Variants in KCNAB2 observed in about 807,000 individuals in gnomAD.
The protein encoded by KCNAB2 is voltage-gated potassium channel subunit beta-2.
A neutral mutation model predicts 63.6 loss-of-function variants in KCNAB2; 29 were observed. That is an observed-to-expected ratio of 0.46 (90% CI 0.34 to 0.62). The LOEUF is 0.62. Among genes scored for constraint, KCNAB2 ranks in the 20% least tolerant of loss-of-function variants. The pLI, the probability that KCNAB2 is intolerant of heterozygous loss-of-function variation, is 0.01. For synonymous variants in KCNAB2, 222 were observed against 224.2 expected (o/e 0.99, Z 0.09); for missense variants, 359 against 563.9 (o/e 0.64, Z 3.68).
chr1:6,052,052 A>G (rs1031771329), intron 2 of KCNAB2, among the ~76,000 whole-genome samples: 1 of 152,138 alleles, frequency 6.6e-6, no homozygotes, highest in Non-Finnish European at 1.5e-5. Flanking sequence ...CAGTGATCCA[A>G]GATCATACCA....
chr1:6,006,956 G>A (rs1657831936), intron 1 of KCNAB2, among the ~76,000 whole-genome samples: 1 of 152,124 alleles, frequency 6.6e-6, no homozygotes, highest in African/African-American at 2.4e-5. Flanking sequence ...TCTGGGGAAG[G>A]ACGGTAAACA....
chr1:6,036,685 G>A (rs1201668776), intron 1 of KCNAB2, among the ~76,000 whole-genome samples: 1 of 152,120 alleles, frequency 6.6e-6, no homozygotes, highest in Non-Finnish European at 1.5e-5. Flanking sequence ...TCACTGGGTA[G>A]CCACAGGAGG....
chr1:6,041,903 G>A (rs1176366062), upstream of KCNAB2: 2 of 1,609,386 alleles, frequency 1.2e-6, no homozygotes, highest in Admixed American at 3.3e-5. Context: ...CTAAAACCCA[G>A]CGAGCCGAAG....
chr1:6,047,239 C>T (rs1661001835), intron 1 of KCNAB2, among the ~76,000 whole-genome samples: 1 of 152,172 alleles, frequency 6.6e-6, no homozygotes, highest in Admixed American at 6.5e-5. Flanking sequence ...GAGGCAGGAG[C>T]CCGGCAGTGG....
chr1:6,025,813 G>A (rs1472925610), intron 1 of KCNAB2, among the ~76,000 whole-genome samples: 5 of 152,116 alleles, frequency 3.3e-5, no homozygotes, highest in Admixed American at 2.6e-4. Flanking sequence ...ATGAGGGAGC[G>A]CAGGTAAAAG....
intron 1 of KCNAB2, among the ~76,000 whole-genome samples, chr1:6,037,872 C>CT (rs1210270485): frequency 0.11 from 13,277 of 117,614 alleles, 1,183 homozygotes; most frequent in Non-Finnish European, 0.17. Context: ...GAATGAGGGT[C>CT]TTTTTTTTTT....
At chr1:6,011,486 CAGG>C (rs879367709) in intron 1 of KCNAB2, among the ~76,000 whole-genome samples, 3 of 151,636 alleles carry the variant, frequency 2.0e-5, no homozygotes, top group Admixed American at 6.6e-5. Flanking sequence ...GCCAGGTGTG[CAGG>C]AGGAGAGGCA....
intron 2 of KCNAB2, among the ~76,000 whole-genome samples, chr1:6,065,011 C>T (rs1557472736): frequency 6.6e-6 from 1 of 152,206 alleles, no homozygotes; most frequent in Non-Finnish European, 1.5e-5. Context: ...GCGTTTCCTT[C>T]CTTGGGCCAT....
intron 1 of KCNAB2, among the ~76,000 whole-genome samples, chr1:5,998,989 T>C (rs1049897757): frequency 2.0e-5 from 3 of 152,224 alleles, no homozygotes; most frequent in Non-Finnish European, 2.9e-5. Flanking sequence ...ACAGGGTGGC[T>C]CCGGGGCTGG....
At chr1:6,002,490 G>A (rs147504349) in intron 1 of KCNAB2, among the ~76,000 whole-genome samples, 1 of 152,358 alleles carries the variant, frequency 6.6e-6, no homozygotes, top group African/African-American at 2.4e-5. Context: ...GTGGCTGATG[G>A]CCACAGACTC....
intron 2 of KCNAB2, among the ~76,000 whole-genome samples, chr1:6,065,936 G>A (rs923263866): frequency 6.6e-6 from 1 of 152,218 alleles, no homozygotes; most frequent in African/African-American, 2.4e-5. Context: ...CTCAAGGAAT[G>A]CCTGCAGCTT....
chr1:6,046,106 A>C lies in KCNAB2; in HGVS notation c.-104A>C. On this transcript the variant is annotated 5_prime_UTR_variant, in exon 1 of 16. Coordinates refer to ENST00000378083, the MANE Select transcript of KCNAB2 (RefSeq NM_001199862.2). ...TCCCTAATGAAAAAGCCGCTGTGCC[A>C]GATCCTTAGAGTGTCTGGTGATCCC... 1 of 985,472 alleles carries C rather than the reference A, an allele frequency of 1.0e-6. No individual in the cohort carries two copies. The highest frequency in any genetic ancestry group is 1.2e-6 in the Non-Finnish European group (1 of 829,920). 61.0% of individuals were successfully genotyped at this position (985,472 alleles called of 1,614,324 possible).
intron 1 of KCNAB2, among the ~76,000 whole-genome samples, chr1:6,027,814 T>A (rs1659307600): frequency 1.3e-5 from 2 of 152,242 alleles, no homozygotes; most frequent in Admixed American, 1.3e-4. Flanking sequence ...ATGTGACATC[T>A]GTCGCCGTGC....
rs1039462609 is a variant in KCNAB2, at chr1:6,074,087, T to C, written c.300+317T>C. Among the ~76,000 whole-genome samples the C allele has an allele frequency of 6.6e-6, 1 of 152,142 alleles. No individual in the cohort carries two copies. The highest frequency in any genetic ancestry group is 1.5e-5 in the Non-Finnish European group (1 of 68,022). ...CCCATTCCACAGTTAACGAGGAGAA[T>C]TCAGGGTGCACACGCTTCCCAAATT... On this transcript the variant is annotated intron_variant, in intron 4 of 15. Coordinates refer to ENST00000378083, the MANE Select transcript of KCNAB2 (RefSeq NM_001199862.2). This position sits in a 1 kb window ranked among gnomAD's most constrained non-coding sequence, Gnocchi z 4.9.
Position 6,086,316 on chromosome 1 carries a change from C to T in KCNAB2, c.425+1068C>T. On this transcript the variant is annotated intron_variant, in intron 6 of 15. Transcript: ENST00000378083. This position sits in a 1 kb window ranked among gnomAD's most constrained non-coding sequence, Gnocchi z 4.2. ...AAATTTGTTTTTTGGCAACTCTGAT[C>T]CCAAAACAAATTCCTCCTCACCCTG... is the stretch of plus-strand genomic sequence containing the variant. The T allele has an allele frequency of 1.0e-6, 1 of 984,498 alleles. No individual in the cohort carries two copies. The highest frequency in any genetic ancestry group is 4.7e-5 in the South Asian group (1 of 21,250). The allele number at this position is 984,498 out of a possible 1,614,324, so 61.0% of individuals were successfully genotyped here. A position where few individuals can be genotyped will look rare whatever the true frequency, so the allele number is the denominator to read the frequency against.
chr1:6,098,382 G>A, intron 15 of KCNAB2, 103 bp from the exon 16 acceptor site: 1 of 1,541,232 alleles, frequency 6.5e-7, no homozygotes, highest in South Asian at 1.2e-5. Context: ...GGGCAACCCG[G>A]GCCTGGCCAG....
chr1:6,077,655 G>A (rs1029836597), intron 4 of KCNAB2, among the ~76,000 whole-genome samples: 6 of 152,326 alleles, frequency 3.9e-5, no homozygotes, highest in East Asian at 3.9e-4. Context: ...GCTCCGGAGC[G>A]GAGAGCGCCG....
At position 6,087,638 on chromosome 1, in the gene KCNAB2, T is replaced by A. The variant is rs1557505040; in HGVS notation, c.470+127T>A. 1 of 994,510 alleles carries A rather than the reference T, an allele frequency of 1.0e-6. No homozygotes were observed. The highest frequency in any genetic ancestry group is 1.6e-6 in the Non-Finnish European group (1 of 641,876). The allele number at this position is 994,510 out of a possible 1,614,324, so 61.6% of individuals were successfully genotyped here. The stretch of plus-strand genomic sequence containing the variant: ...GACAGTCCTCCTTGAGAAGGGAGAG[T>A]GGTCGGGGTCTGTCCTGGACAGGCC... On this transcript the variant is annotated intron_variant, in intron 7 of 15. Transcript: ENST00000378083. The surrounding 1 kb of genome is among the most constrained non-coding windows in gnomAD (Gnocchi z 6.4).
chr1:6,093,740 G>A (rs931883638), intron 10 of KCNAB2, among the ~76,000 whole-genome samples: 5 of 152,206 alleles, frequency 3.3e-5, no homozygotes, highest in African/African-American at 1.2e-4. Context: ...CCTGGTGCTG[G>A]GCTGGTTTGA....
Sources: allele counts gnomAD v4.1 joint callset (sites outside exome capture counted in the v4.1 genomes callset), GRCh38; gene constraint gnomAD v4.1.1; non-coding constraint Gnocchi (gnomAD v3.1); transcripts MANE v1.5; gene names NCBI Gene and HGNC (gene_info 2026-07-23, HGNC 2026-07-21).